UNC80: variants seen among roughly 807,000 people sequenced by gnomAD.
UNC80 encodes protein unc-80 homolog.
Under a neutral mutation model 384.6 loss-of-function variants are expected in UNC80, and 164 were observed. That is an observed-to-expected ratio of 0.43 (90% CI 0.38 to 0.49). UNC80 has a LOEUF of 0.49. UNC80 is among the 20% of genes least tolerant of loss of function. UNC80 has a pLI of 0.00. For synonymous variants in UNC80, 1,486 were observed against 1,527.8 expected (o/e 0.97, Z 0.64); for missense variants, 3,330 against 4,143.0 (o/e 0.80, Z 5.39).
At position 209,921,570 on chromosome 2, in the gene UNC80, A is replaced by C; in HGVS notation, c.5414A>C (p.Gln1805Pro). ...GAACACATCTTAAAGAACTTGCAGCAGGAGGAAGAAAAGAAACGACTTGGT... is the reference window on the plus strand; with the variant it reads ...GAACACATCTTAAAGAACTTGCAGCCGGAGGAAGAAAAGAAACGACTTGGT... The part of the protein sequence containing the change: ...RAEHILKNLQ[Q>P]EEEKKRLGRE... Residue 1805 changes from glutamine to proline, a missense_variant, in exon 34 of 65, where the codon CAG (glutamine) becomes CCG (proline). Physicochemically the swap from Gln to Pro is moderately conservative, Grantham distance 76. Coordinates refer to ENST00000673920, the MANE Select transcript of UNC80 (RefSeq NM_001371986.1). The C allele has an allele frequency of 6.7e-7, 1 of 1,491,196 alleles. No homozygotes were observed. The highest frequency in any genetic ancestry group is 9.0e-7 in the Non-Finnish European group (1 of 1,105,874). The allele number at this position is 1,491,196 out of a possible 1,614,324, so 92.4% of individuals were successfully genotyped here. A position where few individuals can be genotyped will look rare whatever the true frequency, so the allele number is the denominator to read the frequency against.
rs1372660750 is a variant in UNC80, at chr2:209,815,332, C to G, written c.1276C>G (p.Leu426Val). The change falls in exon 9 of 65, where the codon CTG (leucine) becomes GTG (valine). Residue 426 changes from leucine to valine, a missense_variant. Physicochemically the swap from Leu to Val is conservative, Grantham distance 32. Coordinates refer to ENST00000673920, the MANE Select transcript of UNC80 (RefSeq NM_001371986.1). ...CTTTTCCAAGGTTTCACTGACCAAT[C>G]TGCGTAGATCTGCAGTCCCAGATCT... ...EAFSKVSLTN[L>V]RRSAVPDLSS... 7.1e-6 allele frequency: 11 copies of G among 1,551,678 alleles called. No homozygotes were observed. Among genetic ancestry groups the G allele is most frequent in the Non-Finnish European group, 9.6e-6 (11 of 1,146,972 alleles).
intron 8 of UNC80, 67 bp downstream of exon 8, chr2:209,813,908 T>C: frequency 6.6e-7 from 1 of 1,512,938 alleles, no homozygotes; most frequent in East Asian, 2.5e-5. Flanking sequence ...TTTTTTTCTC[T>C]GTGCATCCAG....
At position 209,998,418 on chromosome 2, in the gene UNC80, C is replaced by A. The variant is rs1452579408; in HGVS notation, c.*2823C>A. On this transcript the variant is annotated 3_prime_UTR_variant, in exon 65 of 65. Coordinates refer to ENST00000673920, the MANE Select transcript of UNC80 (RefSeq NM_001371986.1). ...GACAAGGCACTGAGAACTACAGTGT[C>A]AAAATCAAAGGGCATAAATGGGCAT... is the stretch of plus-strand genomic sequence containing the variant. 1 of 152,174 alleles carries A rather than the reference C, an allele frequency of 6.6e-6. No homozygotes were observed. The highest frequency in any genetic ancestry group is 1.5e-5 in the Non-Finnish European group (1 of 68,038). 9.4% of individuals were successfully genotyped at this position (152,174 alleles called of 1,614,324 possible).
At chr2:209,853,800 C>CT (rs1283278541) in intron 22 of UNC80, among the ~76,000 whole-genome samples, 1 of 152,074 alleles carries the variant, frequency 6.6e-6, no homozygotes, top group Non-Finnish European at 1.5e-5. Context: ...ATGAATAACA[C>CT]TAATACCAAT....
chr2:209,971,089 T>C (rs1220609084), intron 54 of UNC80, 132 bp downstream of exon 54: 1 of 1,272,314 alleles, frequency 7.9e-7, no homozygotes, highest in Non-Finnish European at 1.1e-6. Flanking sequence ...TCTAAACTTT[T>C]ATAGATTTGG....
chr2:209,849,472 A>G lies in UNC80; in HGVS notation c.3476A>G (p.His1159Arg), dbSNP rs2082374470. The G allele has an allele frequency of 1.3e-6, 2 of 1,550,898 alleles. No homozygotes were observed. Among genetic ancestry groups the G allele is most frequent in the African/African-American group, 1.4e-5 (1 of 73,092 alleles). ...KRLGCHSFDD[H>R]LSPNQDGGKS... ...ACAGGTTGCCACAGTTTTGATGATC[A>G]TCTCTCTCCCAACCAAGATGGTGGA... Residue 1159 changes from histidine (H) to arginine (R), a missense_variant, in exon 22 of 65, where the codon CAT becomes CGT. Physicochemically the swap from His to Arg is conservative, Grantham distance 29 (BLOSUM62 0). Transcript: ENST00000673920.
At chr2:209,913,540 T>C (rs965234645) in intron 30 of UNC80, among the ~76,000 whole-genome samples, 1 of 152,216 alleles carries the variant, frequency 6.6e-6, no homozygotes, top group African/African-American at 2.4e-5. Flanking sequence ...GTACTCAATA[T>C]ATAGTTTACT....
chr2:209,788,145 G>A (rs1056060037), intron 5 of UNC80, among the ~76,000 whole-genome samples: 10 of 152,152 alleles, frequency 6.6e-5, no homozygotes, highest in Non-Finnish European at 1.5e-4. Context: ...GGCCGGGCGC[G>A]GTGGCTCACG....
At position 209,829,330 on chromosome 2, in the gene UNC80, G is replaced by T. The variant is rs904629599; in HGVS notation, c.2577G>T (p.Val859=). ...YVNKDSLNNV[V]DFLHALLGFC... Reference sequence around the variant, plus strand: ...ACAAGGACTCTCTCAATAATGTAGTGGACTTCTTGCATGCTTTGCTAGGAT... The same window carrying T: ...ACAAGGACTCTCTCAATAATGTAGTTGACTTCTTGCATGCTTTGCTAGGAT... The change falls in exon 15 of 65, where the codon GTG becomes GTT. Residue 859 remains valine (V), a synonymous_variant. Transcript: ENST00000673920. 6 of 1,551,328 alleles carry T rather than the reference G, an allele frequency of 3.9e-6. No individual in the cohort carries two copies. The Admixed American group carries it at 1.2e-4, about 30-fold the overall frequency.
chr2:209,925,299 T>C (rs2090342399), intron 35 of UNC80, among the ~76,000 whole-genome samples: 1 of 152,194 alleles, frequency 6.6e-6, no homozygotes. Flanking sequence ...ATGCATCTAC[T>C]ACGAAGCTGT....
At chr2:209,802,220 C>T (rs1559114095) in intron 7 of UNC80, among the ~76,000 whole-genome samples, 1 of 151,870 alleles carries the variant, frequency 6.6e-6, no homozygotes, top group East Asian at 1.9e-4. Flanking sequence ...GAGGAAGGAG[C>T]TTTAGTGATC....
rs1476827968 is a variant in UNC80, at chr2:209,976,522, C to A, written c.8772+219C>A. ...TTCACAGTAAGAGCTTTGTTGGAGT[C>A]TGTAAAACTTTGCCCGCTCCCTACT... is the stretch of plus-strand genomic sequence containing the variant. On this transcript the variant is annotated intron_variant, in intron 57 of 64. Coordinates refer to ENST00000673920, the MANE Select transcript of UNC80 (RefSeq NM_001371986.1). The surrounding 1 kb of genome is among the most constrained non-coding windows in gnomAD (Gnocchi z 4.3). Among the ~76,000 whole-genome samples the A allele has an allele frequency of 6.6e-6, 1 of 152,142 alleles. No individual in the cohort carries two copies. The highest frequency in any genetic ancestry group is 1.9e-4 in the East Asian group (1 of 5,198).
At chr2:209,912,807 G>A (rs1320839734) in intron 30 of UNC80, 140 bp downstream of exon 30, 1 of 586,080 alleles carries the variant, frequency 1.7e-6, no homozygotes, top group Non-Finnish European at 2.9e-6. Flanking sequence ...GTGAGCAAGA[G>A]TGCCACCAAG....
chr2:209,913,583 G>T (rs544013778), intron 30 of UNC80, among the ~76,000 whole-genome samples: 72 of 152,200 alleles, frequency 4.7e-4, no homozygotes, highest in African/African-American at 1.6e-3. Flanking sequence ...TGGTGAAAAC[G>T]TCATAAAATT....
rs2079786704 is a variant in UNC80 at position 209,816,964 on chromosome 2, C to T, written c.1391C>T (p.Thr464Ile). The change falls in exon 10 of 65, where the codon ACA (threonine) becomes ATA (isoleucine). Residue 464 changes from threonine (T) to isoleucine (I), a missense_variant. Physicochemically the swap from Thr to Ile is moderately conservative, Grantham distance 89 (BLOSUM62 -1). Around this residue, in one of 8 missense-constraint regions of UNC80, gnomAD observed 937 missense variants for 1,026.8 expected, o/e 0.91. Coordinates refer to ENST00000673920, the MANE Select transcript of UNC80 (RefSeq NM_001371986.1). ...ERKGSIPFHH[T>I]GKRRPRRMGV... ...AAAGGCTCCATTCCATTCCACCACA[C>T]AGGCAAGAGGAGGCCACGGAGAATG... 3 of 1,551,738 alleles carry T rather than the reference C, an allele frequency of 1.9e-6. No homozygotes were observed. Among genetic ancestry groups the T allele is most frequent in the Non-Finnish European group, 2.6e-6 (3 of 1,147,008 alleles).
intron 7 of UNC80, chr2:209,809,509 G>C: frequency 8.7e-7 from 1 of 1,154,094 alleles, no homozygotes; most frequent in Non-Finnish European, 1.3e-6. Flanking sequence ...CCAGGCGTGC[G>C]CTCGAACCTT....
intron 35 of UNC80, among the ~76,000 whole-genome samples, chr2:209,923,469 C>G (rs903680492): frequency 5.3e-5 from 8 of 152,118 alleles, no homozygotes; most frequent in Admixed American, 2.6e-4. Context: ...TAGAAAAGAC[C>G]ATTTTCTCCA....
chr2:209,784,944 T>C (rs763995946), intron 4 of UNC80, among the ~76,000 whole-genome samples: 3 of 152,200 alleles, frequency 2.0e-5, no homozygotes, highest in Non-Finnish European at 2.9e-5. Context: ...GCCTTTAGGT[T>C]TCTTTTCACT....
chr2:209,920,830 C>CTT (rs869121048), intron 33 of UNC80, among the ~76,000 whole-genome samples: 5 of 142,746 alleles, frequency 3.5e-5, no homozygotes, highest in Admixed American at 7.1e-5. Flanking sequence ...AAATGTTCTT[C>CTT]TTTTTTTTTT....
Sources: gnomAD v4.1 joint callset for allele counts (sites outside exome capture counted in the v4.1 genomes callset) on GRCh38, gnomAD v4.1.1 for gene constraint, gnomAD v4.1.1 regional missense constraint, Gnocchi (gnomAD v3.1) non-coding constraint, MANE v1.5 for transcripts, NCBI Gene and HGNC (gene_info 2026-07-23, HGNC 2026-07-21) for gene names.